DPF3: variants seen among roughly 807,000 people sequenced by gnomAD.
The protein encoded by DPF3 is double PHD fingers 3, also known as zinc finger protein DPF3.
Under a neutral mutation model 56.8 loss-of-function variants are expected in DPF3, and 18 were observed. That is an observed-to-expected ratio of 0.32 (90% CI 0.22 to 0.47). DPF3 has a LOEUF of 0.47. Among genes scored for constraint, DPF3 ranks in the 20% least tolerant of loss-of-function variants. DPF3 has a pLI of 1.00. For synonymous variants in DPF3, 188 were observed against 180.2 expected, an observed-to-expected ratio of 1.04 and a Z score of -0.35; for missense variants, 403 against 488.8, an observed-to-expected ratio of 0.82 and a Z score of 1.65.
At chr14:72,885,634 C>T (rs1886517676) in intron 1 of DPF3, among the ~76,000 whole-genome samples, 1 of 152,020 alleles carries the variant, frequency 6.6e-6, no homozygotes, top group Non-Finnish European at 1.5e-5. Context: ...AATGCCTGAG[C>T]TCAAGGGATC....
Position 72,657,367 on chromosome 14 carries a change from G to A in DPF3, c.871+16873C>T, listed in dbSNP as rs560792087. On this transcript the variant is annotated intron_variant, in intron 8 of 10. Coordinates refer to ENST00000556509, the MANE Select transcript of DPF3 (RefSeq NM_001280542.3). ...GTCATGATGTCCACAATGGAGAGTC[G>A]CTGTTATGCATTGCTGGATTATTCA... Among the ~76,000 whole-genome samples the A allele has an allele frequency of 5.9e-5, 9 of 152,244 alleles. No individual in the cohort carries two copies. The South Asian group carries it at 1.5e-3, about 25-fold the overall frequency.
intron 6 of DPF3, among the ~76,000 whole-genome samples, chr14:72,711,456 G>A (rs755904245): frequency 1.6e-4 from 24 of 152,314 alleles, no homozygotes; most frequent in South Asian, 4.1e-4. Flanking sequence ...TCGACACCGA[G>A]GCTGGGACAG....
intron 2 of DPF3, among the ~76,000 whole-genome samples, chr14:72,768,458 T>A (rs1271817299): frequency 6.6e-6 from 1 of 152,222 alleles, no homozygotes; most frequent in Admixed American, 6.5e-5. Flanking sequence ...TCTAGACATG[T>A]GATAAAATGG....
In DPF3 at chr14:72,723,879, G is replaced by A. The variant is rs190920780; in HGVS notation, c.430-151C>T. ...CTTGGGCAGTTGGGCCCTCTGAAATGCTGTCTGGAGTTTGAACTCTTGGCA... is the reference window on the plus strand; with the variant it reads ...CTTGGGCAGTTGGGCCCTCTGAAATACTGTCTGGAGTTTGAACTCTTGGCA... On this transcript the variant is annotated intron_variant, in intron 4 of 10. Coordinates refer to ENST00000556509, the MANE Select transcript of DPF3 (RefSeq NM_001280542.3). 1,492 of 691,762 alleles carry A rather than the reference G, an allele frequency of 2.2e-3. 6 individuals are homozygous for A. Among genetic ancestry groups the A allele is most frequent in the Middle Eastern group, 0.01 (25 of 2,476 alleles). The allele number at this position is 691,762 out of a possible 1,614,324, so 42.9% of individuals were successfully genotyped here. A position where few individuals can be genotyped will look rare whatever the true frequency, so the allele number is the denominator to read the frequency against.
In DPF3 at chr14:72,613,548, G is replaced by A. The variant is rs1214835007; in HGVS notation, c.*5749C>T. Among the ~76,000 whole-genome samples the A allele has an allele frequency of 1.3e-5, 2 of 152,220 alleles. No individual in the cohort carries two copies. The highest frequency in any genetic ancestry group is 2.9e-5 in the Non-Finnish European group (2 of 68,040). ...CCTATGACCTGAGGTTGGCACTGGAGCAGAGAAAGGGAAGGAGTGGGGACA... is the reference window on the plus strand; with the variant it reads ...CCTATGACCTGAGGTTGGCACTGGAACAGAGAAAGGGAAGGAGTGGGGACA... On this transcript the variant is annotated 3_prime_UTR_variant, in exon 11 of 11. Coordinates refer to ENST00000556509, the MANE Select transcript of DPF3 (RefSeq NM_001280542.3).
At chr14:72,794,992 A>G (rs1003912799) in intron 1 of DPF3, among the ~76,000 whole-genome samples, 33 of 151,900 alleles carry the variant, frequency 2.2e-4, no homozygotes, top group Non-Finnish European at 3.5e-4. Flanking sequence ...GACCCTTGTG[A>G]TTACACTGGA....
chr14:72,642,426 A>G (rs2153567898), intron 8 of DPF3, among the ~76,000 whole-genome samples: 1 of 152,330 alleles, frequency 6.6e-6, no homozygotes, highest in East Asian at 1.9e-4. Context: ...TGGGCTGGAC[A>G]ATGAAGGAGA....
intron 7 of DPF3, among the ~76,000 whole-genome samples, chr14:72,677,001 G>A (rs913206584): frequency 3.9e-5 from 6 of 152,260 alleles, no homozygotes; most frequent in East Asian, 1.9e-4. Context: ...TTCAGCCTTC[G>A]TAAAAAGACC....
At position 72,769,350 on chromosome 14, in the gene DPF3, G is replaced by C. The variant is rs910095195; in HGVS notation, c.193+2383C>G. ...AATATTTCATCCTAATATTAGGATG[G>C]CAAGAAGGCCATCAGAAACTACTGG... On this transcript the variant is annotated intron_variant, in intron 2 of 10. Coordinates refer to ENST00000556509, the MANE Select transcript of DPF3 (RefSeq NM_001280542.3). Among the ~76,000 whole-genome samples, 31 of 152,158 alleles carry C rather than the reference G, an allele frequency of 2.0e-4. No homozygotes were observed. In the East Asian group the frequency reaches 4.8e-3, roughly 24 times the overall value.
intron 8 of DPF3, chr14:72,670,190 C>A (rs1436574317): frequency 8.1e-6 from 8 of 985,888 alleles, no homozygotes; most frequent in Non-Finnish European, 9.6e-6. Context: ...AGGGGAAACA[C>A]ACGATGATGT....
At chr14:72,663,501 G>A (rs1486264179) in intron 8 of DPF3, among the ~76,000 whole-genome samples, 1 of 152,206 alleles carries the variant, frequency 6.6e-6, no homozygotes, top group Non-Finnish European at 1.5e-5. Flanking sequence ...TGATCCCTTT[G>A]TCAGCCTTGG....
At chr14:72,667,868 T>C (rs1177350003) in intron 8 of DPF3, among the ~76,000 whole-genome samples, 1 of 152,212 alleles carries the variant, frequency 6.6e-6, no homozygotes, top group African/African-American at 2.4e-5. Flanking sequence ...ATTCCTTAAT[T>C]ATAGACTATG....
At chr14:72,671,574 G>A (rs1018932675) in intron 8 of DPF3, 7 of 694,460 alleles carry the variant, frequency 1.0e-5, no homozygotes, top group African/African-American at 8.7e-5. Flanking sequence ...TAGTACATAT[G>A]TCCACAGCTT....
chr14:72,863,146 ATGTGTGTGTG>A lies in DPF3; in HGVS notation c.32+30901_32+30910del, dbSNP rs57171669. ...TGTGTGTGTGTGTGTGTATATATAT[ATGTGTGTGTG>A]TGTGTGTGTGTGTGTGTGTGTGTAT... On this transcript the variant is annotated intron_variant, in intron 1 of 10. Coordinates refer to ENST00000556509, the MANE Select transcript of DPF3 (RefSeq NM_001280542.3). Among the ~76,000 whole-genome samples, 90 of 140,734 alleles carry A rather than the reference ATGTGTGTGTG, an allele frequency of 6.4e-4. 3 individuals are homozygous for A. Among genetic ancestry groups the A allele is most frequent in the African/African-American group, 2.1e-3 (80 of 37,624 alleles). 92.3% of individuals were successfully genotyped at this position (140,734 alleles called of 152,430 possible).
chr14:72,807,801 T>C (rs890327304), intron 1 of DPF3, among the ~76,000 whole-genome samples: 2 of 152,144 alleles, frequency 1.3e-5, no homozygotes, highest in African/African-American at 4.8e-5. Flanking sequence ...ACCCCATCTC[T>C]ACAACAAATT....
chr14:72,739,739 T>C (rs1473828689), intron 3 of DPF3, among the ~76,000 whole-genome samples: 2 of 152,232 alleles, frequency 1.3e-5, no homozygotes, highest in Admixed American at 6.5e-5. Flanking sequence ...GGGGGAAAAA[T>C]CATGGCAGAG....
intron 1 of DPF3, among the ~76,000 whole-genome samples, chr14:72,801,585 T>C (rs1231768174): frequency 2.6e-5 from 4 of 152,224 alleles, no homozygotes; most frequent in Non-Finnish European, 5.9e-5. Context: ...CCTTTTGTTG[T>C]CTTTGTGAAG....
At chr14:72,880,425 A>G (rs1886281728) in intron 1 of DPF3, among the ~76,000 whole-genome samples, 1 of 152,260 alleles carries the variant, frequency 6.6e-6, no homozygotes, top group South Asian at 2.1e-4. Flanking sequence ...GATGCCAAAA[A>G]GGGCATTTTG....
chr14:72,674,346 T>G lies in DPF3; in HGVS notation c.765A>C (p.Thr255=). ...AGTCACAGTAGTTATTGGGAATGAC[T>G]GTTCCATCCGGTCCTTTCTGGGCTG... ...NHRPQKGPDG[T]VIPNNYCDFC... Residue 255 remains threonine (T), a synonymous_variant, in exon 8 of 11, where the codon ACA becomes ACC. Transcript: ENST00000556509. 3.1e-6 allele frequency: 5 copies of G among 1,613,134 alleles called. No individual in the cohort carries two copies. The highest frequency in any genetic ancestry group is 3.4e-6 in the Non-Finnish European group (4 of 1,179,646).
Sources: allele counts gnomAD v4.1 joint callset (sites outside exome capture counted in the v4.1 genomes callset), GRCh38; gene constraint gnomAD v4.1.1; transcripts MANE v1.5; gene names NCBI Gene and HGNC (gene_info 2026-07-23, HGNC 2026-07-21).